The following ST3GAL2 variants were observed in gnomAD, a reference collection of about 807,000 sequenced individuals.
ST3GAL2 encodes ST3 beta-galactoside alpha-2,3-sialyltransferase 2, also known as CMP-N-acetylneuraminate-beta-galactosamide-alpha-2,3-sialyltransferase 2.
A neutral mutation model predicts 37.5 loss-of-function variants in ST3GAL2; 16 were observed. That is an observed-to-expected ratio of 0.43 (90% confidence interval 0.29 to 0.65). The LOEUF is 0.65. Ranked by LOEUF, ST3GAL2 falls within the 30% of genes least tolerant of loss-of-function variation. The probability of loss-of-function intolerance (pLI) is 0.17; values close to 1 mark genes in which losing one functional copy is unlikely to be tolerated. For missense variants in ST3GAL2, 383 were observed against 487.8 expected, an observed-to-expected ratio of 0.79 and a Z score of 2.02; for synonymous variants, 238 against 202.9, an observed-to-expected ratio of 1.17 and a Z score of -1.47.
At chr16:70,432,592 G>A (rs1299272410) in intron 1 of ST3GAL2, among the ~76,000 whole-genome samples, 1 of 152,170 alleles carries the variant, frequency 6.6e-6, no homozygotes, top group Non-Finnish European at 1.5e-5. Flanking sequence ...CATAGGCAGG[G>A]GTCCCTGATG....
At chr16:70,408,314 C>T (rs1168460611) in intron 1 of ST3GAL2, among the ~76,000 whole-genome samples, 4 of 152,078 alleles carry the variant, frequency 2.6e-5, no homozygotes, top group Admixed American at 2.0e-4. Flanking sequence ...ATTCGCTGTG[C>T]CCCAGATCCC....
At chr16:70,422,779 G>A (rs182715279) in intron 1 of ST3GAL2, among the ~76,000 whole-genome samples, 1 of 152,272 alleles carries the variant, frequency 6.6e-6, no homozygotes, top group Admixed American at 6.5e-5. Context: ...ACTGAACTGA[G>A]GTCTCCTCTT....
rs1422677147 is a variant in ST3GAL2, at chr16:70,382,857, T to G, written c.827A>C (p.Tyr276Ser). The G allele has an allele frequency of 6.2e-7, 1 of 1,614,092 alleles. No individual in the cohort carries two copies. The highest frequency in any genetic ancestry group is 8.5e-7 in the Non-Finnish European group (1 of 1,179,990). ...AAGCACCAGCATCCCCGTGGAAGGGTACCGCCCGTGATGCTCTGTCCACCT... is the reference window on the plus strand; with the variant it reads ...AAGCACCAGCATCCCCGTGGAAGGGGACCGCCCGTGATGCTCTGTCCACCT... ...HDRWTEHHGR[Y>S]PSTGMLVLFF... Residue 276 changes from tyrosine to serine, a missense_variant, in exon 6 of 7, where the codon TAC becomes TCC. Physicochemically the swap from Tyr to Ser is moderately radical, Grantham distance 144 (BLOSUM62 -2). Around this residue, in one of 2 missense-constraint regions of ST3GAL2, gnomAD observed 160 missense variants for 248.6 expected, o/e 0.64. Coordinates refer to ENST00000342907, the MANE Select transcript of ST3GAL2 (RefSeq NM_006927.4).
intron 1 of ST3GAL2, among the ~76,000 whole-genome samples, chr16:70,418,889 C>T (rs1277613436): frequency 3.3e-5 from 5 of 152,176 alleles, no homozygotes; most frequent in African/African-American, 1.2e-4. Context: ...CTGGTGGCAA[C>T]AGAGCCCCCC....
intron 1 of ST3GAL2, among the ~76,000 whole-genome samples, chr16:70,411,968 T>C (rs917780081): frequency 6.6e-6 from 1 of 150,512 alleles, no homozygotes; most frequent in South Asian, 2.1e-4. Flanking sequence ...CACTCCAGCC[T>C]GGGCAACAAG....
At chr16:70,426,706 C>A (rs906060825) in intron 1 of ST3GAL2, among the ~76,000 whole-genome samples, 1 of 151,956 alleles carries the variant, frequency 6.6e-6, no homozygotes, top group African/African-American at 2.4e-5. Context: ...GACGGGGTTT[C>A]TCCATGTTGG....
intron 1 of ST3GAL2, among the ~76,000 whole-genome samples, chr16:70,409,338 G>A (rs1387953499): frequency 3.3e-5 from 5 of 151,794 alleles, no homozygotes; most frequent in African/African-American, 4.8e-5. Context: ...CTAGCTTCCC[G>A]CCTCTGGCGG....
intron 1 of ST3GAL2, among the ~76,000 whole-genome samples, chr16:70,433,630 A>G (rs1342593757): frequency 1.3e-5 from 2 of 152,216 alleles, no homozygotes; most frequent in East Asian, 1.9e-4. Context: ...ATGAGTGAGC[A>G]CAGCTGGAGC....
chr16:70,429,291 G>A (rs906394263), intron 1 of ST3GAL2, among the ~76,000 whole-genome samples: 1 of 152,154 alleles, frequency 6.6e-6, no homozygotes, highest in Non-Finnish European at 1.5e-5. Flanking sequence ...TTGACCAGAT[G>A]GCTGAAGAAT....
Position 70,381,630 on chromosome 16 carries a change from C to A in ST3GAL2, c.*59G>T. The A allele has an allele frequency of 1.9e-6, 3 of 1,579,742 alleles. No individual in the cohort carries two copies. The South Asian group carries it at 3.4e-5, about 18-fold the overall frequency. The stretch of plus-strand genomic sequence containing the variant: ...TGGTCGCGGGTTGCTGGTCCTGGGT[C>A]CCGGGCCGGAGCCCCGGTGCCCGAT... On this transcript the variant is annotated 3_prime_UTR_variant, in exon 7 of 7. Transcript: ENST00000342907.
rs991507403 is a variant in ST3GAL2 at position 70,404,676 on chromosome 16, A to C, written c.-1003-5143T>G. On this transcript the variant is annotated intron_variant, in intron 1 of 6. Coordinates refer to ENST00000342907, the MANE Select transcript of ST3GAL2 (RefSeq NM_006927.4). Reference sequence around the variant, plus strand: ...ATTAAATATACAGTCACCATAATATATGACTCAGCAATTCCACTTCTAGGT... The same window carrying C: ...ATTAAATATACAGTCACCATAATATCTGACTCAGCAATTCCACTTCTAGGT... Among the ~76,000 whole-genome samples the C allele has an allele frequency of 5.3e-5, 8 of 152,316 alleles. 1 individual carries two copies. The South Asian group carries it at 1.2e-3, about 24-fold the overall frequency.
chr16:70,423,337 C>T (rs1277496594), intron 1 of ST3GAL2, among the ~76,000 whole-genome samples: 2 of 152,204 alleles, frequency 1.3e-5, no homozygotes, highest in East Asian at 3.9e-4. Flanking sequence ...GGTGAAATCC[C>T]GTCTCTACTA....
intron 1 of ST3GAL2, among the ~76,000 whole-genome samples, chr16:70,414,045 G>A (rs900464608): frequency 5.9e-5 from 9 of 152,290 alleles, no homozygotes; most frequent in South Asian, 2.1e-4. Flanking sequence ...AAGTGGAGGC[G>A]TACATGAATA....
chr16:70,427,567 G>A (rs1260831536), intron 1 of ST3GAL2, among the ~76,000 whole-genome samples: 1 of 151,914 alleles, frequency 6.6e-6, no homozygotes, highest in Admixed American at 6.6e-5. Flanking sequence ...TCGATCTCCT[G>A]ACCTCGTGAT....
At position 70,380,764 on chromosome 16, in the gene ST3GAL2, T is replaced by TGCAGCGG. The variant is rs1300325582; in HGVS notation, c.*918_*924dup. 1 of 152,868 alleles carries TGCAGCGG rather than the reference T, an allele frequency of 6.5e-6. No individual in the cohort carries two copies. Among genetic ancestry groups the TGCAGCGG allele is most frequent in the East Asian group, 1.9e-4 (1 of 5,210 alleles). The allele number at this position is 152,868 out of a possible 1,614,324, so 9.5% of individuals were successfully genotyped here. The stretch of plus-strand genomic sequence containing the variant: ...GGCGATGGGTGGAGGAGGAGGTACA[T>TGCAGCGG]GCAGCGGGCAGCCGGGCCCATAGCC... On this transcript the variant is annotated 3_prime_UTR_variant, in exon 7 of 7. Coordinates refer to ENST00000342907, the MANE Select transcript of ST3GAL2 (RefSeq NM_006927.4).
chr16:70,420,154 T>C (rs1199487563), intron 1 of ST3GAL2, among the ~76,000 whole-genome samples: 2 of 151,798 alleles, frequency 1.3e-5, no homozygotes, highest in African/African-American at 4.8e-5. Context: ...CAACTTCTTA[T>C]CAGTTTCTAT....
chr16:70,397,278 T>C (rs2151663282), intron 2 of ST3GAL2, among the ~76,000 whole-genome samples: 1 of 150,596 alleles, frequency 6.6e-6, no homozygotes, highest in East Asian at 2.1e-4. Context: ...CCTGACCTCA[T>C]GATCCGTCCG....
chr16:70,382,184 G>GT (rs2047411192), intron 6 of ST3GAL2, among the ~76,000 whole-genome samples: 1 of 151,800 alleles, frequency 6.6e-6, no homozygotes, highest in South Asian at 2.1e-4. Context: ...GAACGACTGA[G>GT]TTCCATTTTT....
chr16:70,437,980 T>G (rs1266672188), intron 1 of ST3GAL2, among the ~76,000 whole-genome samples: 12 of 152,226 alleles, frequency 7.9e-5, no homozygotes, highest in South Asian at 2.1e-4. Flanking sequence ...CCCCAGCACC[T>G]CTCTAGCCCC....
Sources: gnomAD v4.1 joint callset for allele counts (sites outside exome capture counted in the v4.1 genomes callset) on GRCh38, gnomAD v4.1.1 for gene constraint, gnomAD v4.1.1 regional missense constraint, MANE v1.5 for transcripts, NCBI Gene and HGNC (gene_info 2026-07-23, HGNC 2026-07-21) for gene names.